The following AAMP variants were observed in gnomAD, a reference collection of about 807,000 sequenced individuals.
AAMP encodes angio-associated migratory cell protein.
Under a neutral mutation model 51.1 loss-of-function variants are expected in AAMP, and 12 were observed. That is an observed-to-expected ratio of 0.23 (90% CI 0.15 to 0.38). AAMP has a LOEUF of 0.38. Among genes scored for constraint, AAMP ranks in the 10% least tolerant of loss-of-function variants. AAMP has a pLI of 1.00. For missense variants in AAMP, 418 were observed against 557.2 expected (o/e 0.75, Z 2.52); for synonymous variants, 210 against 218.7 (o/e 0.96, Z 0.35).
rs760233511 is a variant in AAMP at position 218,266,812 on chromosome 2, C to T, written c.534+35G>A. 6 of 1,611,966 alleles carry T rather than the reference C, an allele frequency of 3.7e-6. No individual in the cohort carries two copies. Among genetic ancestry groups the T allele is most frequent in the Non-Finnish European group, 5.1e-6 (6 of 1,179,122 alleles). On this transcript the variant is annotated intron_variant, in intron 4 of 10. Transcript: ENST00000248450. This position sits in a 1 kb window ranked among gnomAD's most constrained non-coding sequence, Gnocchi z 4.7. ...AGCTTGCACCCCCAACAACCCAAGG[C>T]CCCACAGAGCTGACTCCCGCTCTGA...
intron 10 of AAMP, 124 bp downstream of exon 10, chr2:218,264,896 C>T: frequency 6.7e-7 from 1 of 1,499,058 alleles, no homozygotes; most frequent in Non-Finnish European, 9.2e-7. Flanking sequence ...GCTGTGAACC[C>T]TCAGGCTTCT....
Position 218,266,215 on chromosome 2 carries a change from A to G in AAMP, c.680-68T>C, listed in dbSNP as rs1271723157. The G allele has an allele frequency of 6.8e-7, 1 of 1,471,986 alleles. No homozygotes were observed. Among genetic ancestry groups the G allele is most frequent in the African/African-American group, 1.4e-5 (1 of 72,010 alleles). 91.2% of individuals were successfully genotyped at this position (1,471,986 alleles called of 1,614,324 possible). On this transcript the variant is annotated intron_variant, in intron 5 of 10. Transcript: ENST00000248450. This position sits in a 1 kb window ranked among gnomAD's most constrained non-coding sequence, Gnocchi z 4.7. Reference sequence around the variant, plus strand: ...ACATACACTAAGCAAGGGAATGGGGAGAGGGAGAGGAAAGAAGAGTGGAAG... The same window carrying G: ...ACATACACTAAGCAAGGGAATGGGGGGAGGGAGAGGAAAGAAGAGTGGAAG...
In AAMP at chr2:218,270,063, C is replaced by G; in HGVS notation, c.24G>C (p.Gly8=). MESESES[G]AAADTPPLET... ...CCAGTGGGGGGGTGTCAGCAGCAGC[C>G]CCGCTTTCCGATTCGGACTCCATGC... The change falls in exon 1 of 11, where the codon GGG becomes GGC. Residue 8 remains glycine, a synonymous_variant. Transcript: ENST00000248450. The G allele has an allele frequency of 6.2e-7, 1 of 1,614,030 alleles. No homozygotes were observed. The highest frequency in any genetic ancestry group is 1.1e-5 in the South Asian group (1 of 91,084).
chr2:218,265,606 G>A lies in AAMP; in HGVS notation c.956C>T (p.Ser319Leu), dbSNP rs1574609299. The change falls in exon 8 of 11, where the codon TCG (serine) becomes TTG (leucine). Residue 319 changes from serine (S) to leucine (L), a missense_variant. Transcript: ENST00000248450. This position sits in a 1 kb window ranked among gnomAD's most constrained non-coding sequence, Gnocchi z 6.6. Reference protein sequence around the residue: ...LGEGEESESNSVESLGFCSVM... With the variant: ...LGEGEESESNLVESLGFCSVM... ...ACTGCAGAAGCCCAAGGACTCCACC[G>A]AGTTGGACTCACTCTCCTCCCCTTC... The A allele has an allele frequency of 5.6e-6, 9 of 1,613,794 alleles. No individual in the cohort carries two copies. Among genetic ancestry groups the A allele is most frequent in the East Asian group, 4.5e-5 (2 of 44,872 alleles).
At position 218,270,049 on chromosome 2, in the gene AAMP, G is replaced by T. The variant is rs1407808845; in HGVS notation, c.38C>A (p.Thr13Asn). 13 of 1,614,124 alleles carry T rather than the reference G, an allele frequency of 8.1e-6. No homozygotes were observed. The highest frequency in any genetic ancestry group is 1.1e-5 in the Non-Finnish European group (13 of 1,179,992). The change falls in exon 1 of 11, where the codon ACC becomes AAC. Residue 13 changes from threonine to asparagine, a missense_variant. Coordinates refer to ENST00000248450, the MANE Select transcript of AAMP (RefSeq NM_001087.5). Reference protein sequence around the residue: ...SESESGAAADTPPLETLSFHG... With the variant: ...SESESGAAADNPPLETLSFHG... The stretch of plus-strand genomic sequence containing the variant: ...GAAGCTTAGGGTCTCCAGTGGGGGG[G>T]TGTCAGCAGCAGCCCCGCTTTCCGA...
chr2:218,268,749 A>C (rs1690701542), intron 2 of AAMP, among the ~76,000 whole-genome samples: 1 of 134,194 alleles, frequency 7.5e-6, no homozygotes, highest in African/African-American at 2.9e-5. Flanking sequence ...CCCAGGCTGG[A>C]GTGCAATGGC....
In AAMP at chr2:218,265,766, G is replaced by T; in HGVS notation, c.879+65C>A. The T allele has an allele frequency of 6.4e-7, 1 of 1,574,484 alleles. No homozygotes were observed. ...GACGGTGGGGAGAGGAGACAGTGAA[G>T]ACCCAGGAAGGAAGGAGAGGAGTCG... On this transcript the variant is annotated intron_variant, in intron 7 of 10. Coordinates refer to ENST00000248450, the MANE Select transcript of AAMP (RefSeq NM_001087.5). This position sits in a 1 kb window ranked among gnomAD's most constrained non-coding sequence, Gnocchi z 6.6.
At position 218,267,450 on chromosome 2, in the gene AAMP, A is replaced by G. The variant is rs1173935494; in HGVS notation, c.394+44T>C. ...GCAGGTCAGCCTCCTAAGATCTCCC[A>G]AAAGAATATGACCTCTCCCAGGCCT... On this transcript the variant is annotated intron_variant, in intron 3 of 10. Transcript: ENST00000248450. The surrounding 1 kb of genome is among the most constrained non-coding windows in gnomAD (Gnocchi z 4.6). The G allele has an allele frequency of 1.2e-6, 2 of 1,608,126 alleles. No individual in the cohort carries two copies. The highest frequency in any genetic ancestry group is 1.7e-6 in the Non-Finnish European group (2 of 1,176,006).
In AAMP at chr2:218,269,542, G is replaced by A. The variant is rs1690730813; in HGVS notation, c.122-8C>T. On this transcript the variant is annotated splice_region_variant and splice_polypyrimidine_tract_variant and intron_variant, in intron 1 of 10. Transcript: ENST00000248450. ...TCTCCTGGGCCAGGTCATCTGCTTT[G>A]GGGAGAGGGTTAGAAGATGGGGCTC... 2 of 1,614,048 alleles carry A rather than the reference G, an allele frequency of 1.2e-6. No homozygotes were observed. The highest frequency in any genetic ancestry group is 1.7e-6 in the Non-Finnish European group (2 of 1,180,032).
Position 218,265,997 on chromosome 2 carries a change from G to A in AAMP, c.764-51C>T, listed in dbSNP as rs376390666. On this transcript the variant is annotated intron_variant, in intron 6 of 10. Transcript: ENST00000248450. This position sits in a 1 kb window ranked among gnomAD's most constrained non-coding sequence, Gnocchi z 6.6. ...AGGCTTCGTCCTACCTCCCCTCTGA[G>A]TCCTGCCCCAGGTTCTCAGCCCCTC... 4 of 1,608,698 alleles carry A rather than the reference G, an allele frequency of 2.5e-6. No individual in the cohort carries two copies. The Admixed American group carries it at 5.0e-5, about 20-fold the overall frequency.
intron 10 of AAMP, 122 bp from the exon 11 acceptor site, chr2:218,264,730 G>A (rs1000880141): frequency 1.6e-5 from 15 of 913,598 alleles, no homozygotes; most frequent in African/African-American, 1.0e-4. Context: ...GCACTGGGCC[G>A]ACATCTCTGC....
chr2:218,268,806 C>G (rs1392277184), intron 2 of AAMP, among the ~76,000 whole-genome samples: 1 of 149,516 alleles, frequency 6.7e-6, no homozygotes, highest in Admixed American at 6.8e-5. Flanking sequence ...TCAAGCAATT[C>G]TCCTGCCTCA....
intron 1 of AAMP, 66 bp downstream of exon 1, chr2:218,269,900 A>C: frequency 6.2e-7 from 1 of 1,605,780 alleles, no homozygotes; most frequent in Non-Finnish European, 8.5e-7. Context: ...GAGCGGGGAA[A>C]AGCAGGAGTC....
chr2:218,269,445 C>T lies in AAMP; in HGVS notation c.211G>A (p.Glu71Lys), dbSNP rs181306123. The T allele has an allele frequency of 1.9e-5, 31 of 1,614,238 alleles. No individual in the cohort carries two copies. In the African/African-American group the frequency reaches 3.9e-4, roughly 20 times the overall value. Residue 71 changes from glutamate to lysine, a missense_variant, in exon 2 of 11, where the codon GAA becomes AAA. Physicochemically the swap from Glu to Lys is moderately conservative, Grantham distance 56. Coordinates refer to ENST00000248450, the MANE Select transcript of AAMP (RefSeq NM_001087.5). Reference sequence around the variant, plus strand: ...CCCTCCATGCTGCCGACCACCCCTTCCTGGGGTTCTAGAACCCAGCCCTCT... The same window carrying T: ...CCCTCCATGCTGCCGACCACCCCTTTCTGGGGTTCTAGAACCCAGCCCTCT... Reference protein sequence around the residue: ...NEEGWVLEPQEGVVGSMEGPD... With the variant: ...NEEGWVLEPQKGVVGSMEGPD...
chr2:218,268,998 A>G (rs2106174151), intron 2 of AAMP, among the ~76,000 whole-genome samples: 1 of 151,758 alleles, frequency 6.6e-6, no homozygotes, highest in South Asian at 2.1e-4. Flanking sequence ...TGCCCAGCCA[A>G]ATTTTTGTAT....
chr2:218,264,212 G>T lies in AAMP; in HGVS notation c.*321C>A, dbSNP rs546747931. ...TTCCACCCCCAGAGACTTGGGAAGG[G>T]AAAGAACGGGAACCTCAAACACCTA... On this transcript the variant is annotated 3_prime_UTR_variant, in exon 11 of 11. Coordinates refer to ENST00000248450, the MANE Select transcript of AAMP (RefSeq NM_001087.5). 3 of 395,428 alleles carry T rather than the reference G, an allele frequency of 7.6e-6. No homozygotes were observed. The highest frequency in any genetic ancestry group is 8.1e-5 in the Admixed American group (2 of 24,656). 24.5% of individuals were successfully genotyped at this position (395,428 alleles called of 1,614,324 possible).
chr2:218,266,213 G>A lies in AAMP; in HGVS notation c.680-66C>T. 6.8e-7 allele frequency: 1 copy of A among 1,471,160 alleles called. No homozygotes were observed. Among genetic ancestry groups the A allele is most frequent in the South Asian group, 1.1e-5 (1 of 87,200 alleles). The allele number at this position is 1,471,160 out of a possible 1,614,324, so 91.1% of individuals were successfully genotyped here. On this transcript the variant is annotated intron_variant, in intron 5 of 10. Coordinates refer to ENST00000248450, the MANE Select transcript of AAMP (RefSeq NM_001087.5). The surrounding 1 kb of genome is among the most constrained non-coding windows in gnomAD (Gnocchi z 4.7). Reference sequence around the variant, plus strand: ...TCACATACACTAAGCAAGGGAATGGGGAGAGGGAGAGGAAAGAAGAGTGGA... The same window carrying A: ...TCACATACACTAAGCAAGGGAATGGAGAGAGGGAGAGGAAAGAAGAGTGGA...
chr2:218,266,465 G>A lies in AAMP; in HGVS notation c.657C>T (p.Thr219=). The change falls in exon 5 of 11, where the codon ACC becomes ACT. Residue 219 remains threonine, a synonymous_variant. Transcript: ENST00000248450. This position sits in a 1 kb window ranked among gnomAD's most constrained non-coding sequence, Gnocchi z 4.7. ...KTFQGPNCPA[T]CGRVLPDGKR... is the part of the protein sequence containing the mutation. The stretch of plus-strand genomic sequence containing the variant: ...CACCATCAGGGAGGACTCGGCCACA[G>A]GTGGCTGGGCAGTTGGGACCCTGGA... 1.9e-6 allele frequency: 3 copies of A among 1,614,104 alleles called. No homozygotes were observed. Among genetic ancestry groups the A allele is most frequent in the Non-Finnish European group, 2.5e-6 (3 of 1,179,970 alleles).
intron 10 of AAMP, 130 bp from the exon 11 acceptor site, chr2:218,264,738 T>C: frequency 2.3e-6 from 2 of 880,374 alleles, no homozygotes; most frequent in Non-Finnish European, 1.8e-6. Context: ...CCGACATCTC[T>C]GCAGCCAGCA....
Sources: gnomAD v4.1 joint callset for allele counts (sites outside exome capture counted in the v4.1 genomes callset) on GRCh38, gnomAD v4.1.1 for gene constraint, Gnocchi (gnomAD v3.1) non-coding constraint, MANE v1.5 for transcripts, NCBI Gene and HGNC (gene_info 2026-07-23, HGNC 2026-07-21) for gene names.